PBLD: variants seen among roughly 807,000 people sequenced by gnomAD.
The protein encoded by PBLD is phenazine biosynthesis like protein domain containing, also known as phenazine biosynthesis-like domain-containing protein.
A neutral mutation model predicts 31.3 loss-of-function variants in PBLD; 26 were observed. The ratio of observed to expected loss-of-function variants is 0.83; its 90% CI spans 0.61 to 1.15. PBLD has a LOEUF of 1.15. PBLD is among the 50% of genes most tolerant of loss of function. PBLD has a pLI of 0.00. For missense variants in PBLD, 307 were observed against 351.7 expected (o/e 0.87, Z 1.02); for synonymous variants, 114 against 129.0 (o/e 0.88, Z 0.79).
chr10:68,296,862 TAA>T (rs60698417), intron 3 of PBLD, 22 bp downstream of exon 3: 31 of 1,210,926 alleles, frequency 2.6e-5, no homozygotes, highest in South Asian at 9.8e-5. Flanking sequence ...GAACAGTTCT[TAA>T]AAAAAAAAAA....
intron 1 of PBLD, among the ~76,000 whole-genome samples, chr10:68,328,517 C>T (rs2044960897): frequency 6.6e-6 from 1 of 152,090 alleles, no homozygotes; most frequent in African/African-American, 2.4e-5. Flanking sequence ...TTTCCTTCTC[C>T]TTTTTCATCT....
At chr10:68,289,916 T>G (rs2044337007) in intron 6 of PBLD, among the ~76,000 whole-genome samples, 1 of 152,200 alleles carries the variant, frequency 6.6e-6, no homozygotes, top group Non-Finnish European at 1.5e-5. Flanking sequence ...CGTCCTGTGC[T>G]GCTCTGCTTG....
intron 1 of PBLD, among the ~76,000 whole-genome samples, chr10:68,315,965 A>T (rs1408236315): frequency 6.6e-6 from 1 of 152,234 alleles, no homozygotes; most frequent in Non-Finnish European, 1.5e-5. Context: ...AAAGTAAAGA[A>T]AAGTAACTAA....
intron 2 of PBLD, among the ~76,000 whole-genome samples, chr10:68,303,463 G>A (rs1349017231): frequency 6.8e-6 from 1 of 147,548 alleles, no homozygotes; most frequent in Non-Finnish European, 1.5e-5. Flanking sequence ...TTCACCTAAT[G>A]TATAGTGTTA....
chr10:68,315,576 CAA>C (rs112264819), intron 1 of PBLD, among the ~76,000 whole-genome samples: 52 of 110,250 alleles, frequency 4.7e-4, no homozygotes, highest in Admixed American at 6.6e-4. Flanking sequence ...AGTCTGTCTC[CAA>C]AAAAAAAAAA....
chr10:68,299,582 G>A (rs2044477871), intron 2 of PBLD, among the ~76,000 whole-genome samples: 2 of 152,124 alleles, frequency 1.3e-5, no homozygotes, highest in South Asian at 2.1e-4. Flanking sequence ...GGGGCCAGGT[G>A]TGGCAGCTTA....
chr10:68,292,752 CACCCA>C (rs2044376431), intron 4 of PBLD, among the ~76,000 whole-genome samples: 1 of 152,144 alleles, frequency 6.6e-6, no homozygotes, highest in African/African-American at 2.4e-5. Flanking sequence ...TCAAGTGATA[CACCCA>C]CCTCGGCCTC....
intron 4 of PBLD, 42 bp downstream of exon 4, chr10:68,296,224 C>T: frequency 7.0e-7 from 1 of 1,437,560 alleles, no homozygotes. Flanking sequence ...AAAAAAAAAG[C>T]CATTTGCTAA....
intron 6 of PBLD, among the ~76,000 whole-genome samples, chr10:68,291,746 T>C (rs2044361258): frequency 6.6e-6 from 1 of 152,118 alleles, no homozygotes; most frequent in Non-Finnish European, 1.5e-5. Context: ...CTTTACCACC[T>C]CCATTGGTTC....
Position 68,306,918 on chromosome 10 carries a change from A to C in PBLD, c.-59-15T>G, listed in dbSNP as rs2044588723. 1.6e-6 allele frequency: 2 copies of C among 1,218,918 alleles called. No individual in the cohort carries two copies. Among genetic ancestry groups the C allele is most frequent in the African/African-American group, 3.0e-5 (2 of 66,078 alleles). The allele number at this position is 1,218,918 out of a possible 1,614,324, so 75.5% of individuals were successfully genotyped here. A position where few individuals can be genotyped will look rare whatever the true frequency, so the allele number is the denominator to read the frequency against. The stretch of plus-strand genomic sequence containing the variant: ...CTTTACGTCTTCTTCTTGGAAAAGG[A>C]AATCAAAAAGTTAATGTTTTACTTG... On this transcript the variant is annotated splice_polypyrimidine_tract_variant and intron_variant, in intron 1 of 9. Transcript: ENST00000358769.
At chr10:68,332,730 T>C (rs867406241) in intron 1 of PBLD, 54 bp downstream of exon 1, 2 of 152,280 alleles carry the variant, frequency 1.3e-5, no homozygotes, top group Non-Finnish European at 2.9e-5. Flanking sequence ...TGGCGCCGGA[T>C]GGGCCTGGCC....
chr10:68,330,621 A>G (rs2045027961), intron 1 of PBLD, among the ~76,000 whole-genome samples: 1 of 149,866 alleles, frequency 6.7e-6, no homozygotes, highest in African/African-American at 2.5e-5. Context: ...TCTGGGCTCA[A>G]TGCAAGCTCT....
intron 6 of PBLD, among the ~76,000 whole-genome samples, chr10:68,289,743 C>T (rs1289529371): frequency 6.6e-6 from 1 of 150,862 alleles, no homozygotes; most frequent in Non-Finnish European, 1.5e-5. Context: ...TAAATCCCTA[C>T]TGTCCATCAT....
intron 1 of PBLD, among the ~76,000 whole-genome samples, chr10:68,327,253 G>C (rs1236593713): frequency 6.6e-6 from 1 of 152,072 alleles, no homozygotes; most frequent in Admixed American, 6.6e-5. Context: ...CAGTAACTTT[G>C]CAAGACTGCA....
At chr10:68,306,737 T>A (rs1048802786) in intron 2 of PBLD, 24 bp downstream of exon 2, 1 of 1,593,756 alleles carries the variant, frequency 6.3e-7, no homozygotes, top group Admixed American at 1.7e-5. Context: ...TTTCAGGTAC[T>A]GTAATTCAAA....
chr10:68,323,276 C>T (rs2044862967), intron 1 of PBLD, among the ~76,000 whole-genome samples: 1 of 151,608 alleles, frequency 6.6e-6, no homozygotes, highest in Admixed American at 6.6e-5. Context: ...TATAAGAGAC[C>T]CTAGGCTGGG....
In PBLD at chr10:68,312,365, T is replaced by C. The variant is rs574449071; in HGVS notation, c.-59-5462A>G. Among the ~76,000 whole-genome samples, 7 of 152,324 alleles carry C rather than the reference T, an allele frequency of 4.6e-5. No individual in the cohort carries two copies. The East Asian group carries it at 7.7e-4, about 17-fold the overall frequency. Reference sequence around the variant, plus strand: ...ACACTTGTTATCTTGTGTTTTTTTTTATAATAGTCATTCAACAGGAGTTAA... The same window carrying C: ...ACACTTGTTATCTTGTGTTTTTTTTCATAATAGTCATTCAACAGGAGTTAA... On this transcript the variant is annotated intron_variant, in intron 1 of 9. Transcript: ENST00000358769.
chr10:68,298,618 C>G (rs188815636), intron 2 of PBLD, among the ~76,000 whole-genome samples: 1 of 152,240 alleles, frequency 6.6e-6, no homozygotes, highest in East Asian at 1.9e-4. Flanking sequence ...AATTGAATTT[C>G]TATCCTGTGT....
chr10:68,300,856 C>T (rs1314103683), intron 2 of PBLD, among the ~76,000 whole-genome samples: 1 of 152,110 alleles, frequency 6.6e-6, no homozygotes, highest in Non-Finnish European at 1.5e-5. Flanking sequence ...TGTATTAGGA[C>T]AGCTTCTTAG....
Sources: allele counts gnomAD v4.1 joint callset (sites outside exome capture counted in the v4.1 genomes callset), GRCh38; gene constraint gnomAD v4.1.1; transcripts MANE v1.5; gene names NCBI Gene and HGNC (gene_info 2026-07-23, HGNC 2026-07-21).